Variants in NRG1 observed in about 807,000 individuals in gnomAD.
NRG1 encodes the protein neuregulin 1.
Under a neutral mutation model 63.8 loss-of-function variants are expected in NRG1, and 18 were observed. The observed-to-expected ratio is 0.28, with a 90% CI of 0.19 to 0.42. The LOEUF is 0.42. Among genes scored for constraint, NRG1 ranks in the 10% least tolerant of loss-of-function variants. The pLI, the probability that NRG1 is intolerant of heterozygous loss-of-function variation, is 1.00. For synonymous variants in NRG1, 302 were observed against 301.3 expected (o/e 1.00, Z -0.02); for missense variants, 762 against 814.7 (o/e 0.94, Z 0.79).
At chr8:32,120,835 G>A (rs560670737) in intron 1 of NRG1, among the ~76,000 whole-genome samples, 2 of 152,042 alleles carry the variant, frequency 1.3e-5, no homozygotes, top group African/African-American at 2.4e-5. Flanking sequence ...GGATAGAAAT[G>A]TTGTAGTTGA....
intron 11 of NRG1, chr8:32,760,958 A>C (rs771528438): frequency 2.4e-4 from 235 of 986,316 alleles, no homozygotes; most frequent in Non-Finnish European, 2.8e-4. Context: ...AAATTCCAAG[A>C]AGGGATGAAT....
At position 31,989,253 on chromosome 8, in the gene NRG1, C is replaced by CAAAAAAAAAAAAAA. The variant is rs10692906; in HGVS notation, c.37+349829_37+349842dup. 1.5e-3 allele frequency among the ~76,000 whole-genome samples: 73 copies of CAAAAAAAAAAAAAA among 47,502 alleles called. 1 individual carries two copies. The highest frequency in any genetic ancestry group is 3.3e-3 in the East Asian group (2 of 602). The allele number at this position is 47,502 out of a possible 152,430, so 31.2% of individuals were successfully genotyped here. On this transcript the variant is annotated intron_variant, in intron 1 of 10. Transcript: ENST00000519301. ...CCTGGGTGAGAGAGAGACTCTGTCTCAAAAAAAAAAAAAAAAAAAAGAACA... is the reference window on the plus strand; with the variant it reads ...CCTGGGTGAGAGAGAGACTCTGTCTCAAAAAAAAAAAAAAAAAAAAAAAAAAAAAAAAAAGAACA...
At chr8:31,662,242 G>A (rs1342526686) in intron 1 of NRG1, among the ~76,000 whole-genome samples, 1 of 152,154 alleles carries the variant, frequency 6.6e-6, no homozygotes, top group Non-Finnish European at 1.5e-5. Flanking sequence ...GTGATCAAAA[G>A]CTGTAAGTAG....
chr8:31,649,674 G>A (rs1405779315), intron 1 of NRG1, among the ~76,000 whole-genome samples: 2 of 152,130 alleles, frequency 1.3e-5, no homozygotes, highest in Non-Finnish European at 2.9e-5. Flanking sequence ...AGTAAGCTTC[G>A]ATTTAAAGAA....
At chr8:32,211,136 A>C (rs1256821802) in intron 1 of NRG1, among the ~76,000 whole-genome samples, 1 of 152,178 alleles carries the variant, frequency 6.6e-6, no homozygotes, top group Non-Finnish European at 1.5e-5. Context: ...TGTTTCTTAT[A>C]GCCCTTTTTG....
At chr8:32,303,559 G>A (rs759071693) in intron 1 of NRG1, among the ~76,000 whole-genome samples, 2 of 152,102 alleles carry the variant, frequency 1.3e-5, no homozygotes, top group South Asian at 4.1e-4. Flanking sequence ...TGCCAGCACC[G>A]TTAGCAAAAG....
chr8:31,924,626 T>TTC (rs1647871476), intron 1 of NRG1, among the ~76,000 whole-genome samples: 2 of 151,272 alleles, frequency 1.3e-5, no homozygotes, highest in South Asian at 4.2e-4. Flanking sequence ...GCCTTTTTTT[T>TTC]TTCACTTTTT....
chr8:32,648,411 T>C (rs372942098), intron 5 of NRG1: 143 of 1,600,472 alleles, frequency 8.9e-5, no homozygotes, highest in Non-Finnish European at 1.1e-4. Context: ...AGAGAGACGA[T>C]GATGATGATG....
chr8:31,701,592 G>A (rs1810638900), intron 1 of NRG1, among the ~76,000 whole-genome samples: 1 of 152,028 alleles, frequency 6.6e-6, no homozygotes, highest in Non-Finnish European at 1.5e-5. Flanking sequence ...AGGATGGAGA[G>A]GTAGGTAAAG....
chr8:32,234,685 T>C (rs183545307), intron 1 of NRG1, among the ~76,000 whole-genome samples: 32 of 152,312 alleles, frequency 2.1e-4, no homozygotes, highest in Non-Finnish European at 4.1e-4. Flanking sequence ...GAATGTAAAT[T>C]CTGGGCCTCC....
chr8:32,538,857 T>C (rs1302363010), intron 1 of NRG1, among the ~76,000 whole-genome samples: 1 of 152,120 alleles, frequency 6.6e-6, no homozygotes, highest in Non-Finnish European at 1.5e-5. Flanking sequence ...GAGACAAACT[T>C]GAAAACAAGT....
intron 1 of NRG1, among the ~76,000 whole-genome samples, chr8:32,047,581 C>G (rs945066544): frequency 6.6e-6 from 1 of 151,902 alleles, no homozygotes; most frequent in African/African-American, 2.4e-5. Context: ...AAAAGTGTGG[C>G]TGAGGTTGGT....
intron 1 of NRG1, among the ~76,000 whole-genome samples, chr8:32,488,178 A>C (rs978113789): frequency 3.3e-5 from 5 of 152,168 alleles, no homozygotes; most frequent in African/African-American, 1.2e-4. Flanking sequence ...TATTTCGCCT[A>C]AATATTTTAT....
At chr8:31,981,867 G>C (rs759744283) in intron 1 of NRG1, among the ~76,000 whole-genome samples, 6 of 151,866 alleles carry the variant, frequency 4.0e-5, no homozygotes, top group Non-Finnish European at 7.4e-5. Flanking sequence ...CTAGACAAAG[G>C]GATATTACCC....
At chr8:32,646,991 G>C (rs1853693865) in intron 5 of NRG1, 7 of 985,074 alleles carry the variant, frequency 7.1e-6, no homozygotes, top group Non-Finnish European at 8.4e-6. Flanking sequence ...GAGCCGCAGA[G>C]GAAGAAAGTG....
intron 5 of NRG1, among the ~76,000 whole-genome samples, chr8:32,724,312 C>CCTGGAACAACTA (rs1453571698): frequency 1.3e-5 from 2 of 152,164 alleles, no homozygotes; most frequent in Non-Finnish European, 2.9e-5. Context: ...TCACCTCCTT[C>CCTGGAACAACTA]CTGGAACAAC....
intron 1 of NRG1, among the ~76,000 whole-genome samples, chr8:32,496,628 T>G (rs6468115): frequency 0.74 from 112,626 of 151,950 alleles, 42,015 homozygotes; most frequent in East Asian, 0.89. Flanking sequence ...ATAGGTGTGT[T>G]TGGGAGGGAG....
chr8:32,087,076 C>T (rs1356427337), intron 1 of NRG1, among the ~76,000 whole-genome samples: 2 of 152,140 alleles, frequency 1.3e-5, no homozygotes, highest in African/African-American at 4.8e-5. Context: ...ATTCATTTTA[C>T]TCTCTGCTTC....
intron 1 of NRG1, among the ~76,000 whole-genome samples, chr8:32,329,858 G>A (rs1407572865): frequency 4.7e-5 from 7 of 149,238 alleles, no homozygotes; most frequent in African/African-American, 7.3e-5. Flanking sequence ...GGTTTTGGGG[G>A]GTTTTGGTCT....
Sources: allele counts gnomAD v4.1 joint callset (sites outside exome capture counted in the v4.1 genomes callset), GRCh38; gene constraint gnomAD v4.1.1; transcripts MANE v1.5; gene names NCBI Gene and HGNC (gene_info 2026-07-23, HGNC 2026-07-21).